RAP1GAP2: variants seen among roughly 807,000 people sequenced by gnomAD.
The protein encoded by RAP1GAP2 is RAP1 GTPase activating protein 2, also known as rap1 GTPase-activating protein 2.
A neutral mutation model predicts 95.0 loss-of-function variants in RAP1GAP2; 27 were observed. The observed-to-expected ratio is 0.28, with a 90% confidence interval of 0.21 to 0.39. RAP1GAP2 has a LOEUF of 0.39. Ranked by LOEUF, RAP1GAP2 falls within the 10% of genes least tolerant of loss-of-function variation. The pLI, the probability that RAP1GAP2 is intolerant of heterozygous loss-of-function variation, is 1.00. For missense variants in RAP1GAP2, 771 were observed against 970.0 expected, an observed-to-expected ratio of 0.79 and a Z score of 2.72; for synonymous variants, 373 against 380.9, an observed-to-expected ratio of 0.98 and a Z score of 0.24.
chr17:2,793,163 T>G (rs2151466849), upstream of RAP1GAP2, among the ~76,000 whole-genome samples: 1 of 152,156 alleles, frequency 6.6e-6, no homozygotes, highest in South Asian at 2.1e-4. Context: ...ATTTTTTTTT[T>G]TTTTTTTGAG....
At chr17:2,842,734 G>A (rs1399614895) in intron 2 of RAP1GAP2, among the ~76,000 whole-genome samples, 1 of 151,838 alleles carries the variant, frequency 6.6e-6, no homozygotes, top group African/African-American at 2.4e-5. Context: ...TCCTTTAGAC[G>A]CCCATCTGAG....
intron 8 of RAP1GAP2, among the ~76,000 whole-genome samples, chr17:2,978,396 A>T (rs1051564149): frequency 1.3e-5 from 2 of 152,182 alleles, no homozygotes; most frequent in African/African-American, 4.8e-5. Flanking sequence ...GAGATGGCTG[A>T]TAAGTGACTG....
upstream of RAP1GAP2, among the ~76,000 whole-genome samples, chr17:2,776,012 C>G (rs2068490698): frequency 6.6e-6 from 1 of 152,192 alleles, no homozygotes; most frequent in Admixed American, 6.5e-5. Flanking sequence ...AACCCCGTCT[C>G]TACTAAAAAT....
In RAP1GAP2 at chr17:3,011,116, C is replaced by T. The variant is rs185666338; in HGVS notation, c.1494+2971C>T. Reference sequence around the variant, plus strand: ...TAACTTTTTGTATTTTTAGTAGAGACGAGGTTTCACCATGTTGGCCAGGCT... The same window carrying T: ...TAACTTTTTGTATTTTTAGTAGAGATGAGGTTTCACCATGTTGGCCAGGCT... On this transcript the variant is annotated intron_variant, in intron 17 of 24. Coordinates refer to ENST00000254695, the MANE Select transcript of RAP1GAP2 (RefSeq NM_015085.5). Among the ~76,000 whole-genome samples, 347 of 152,088 alleles carry T rather than the reference C, an allele frequency of 2.3e-3. 4 individuals carry two copies. The highest frequency in any genetic ancestry group is 7.8e-3 in the African/African-American group (322 of 41,478).
chr17:3,019,958 C>T (rs886856572), intron 18 of RAP1GAP2, among the ~76,000 whole-genome samples: 1 of 152,280 alleles, frequency 6.6e-6, no homozygotes, highest in African/African-American at 2.4e-5. Flanking sequence ...CCATTGGTGC[C>T]TGTGGCCCTG....
At chr17:2,814,468 G>T (rs549783367) in intron 2 of RAP1GAP2, among the ~76,000 whole-genome samples, 1 of 152,024 alleles carries the variant, frequency 6.6e-6, no homozygotes, top group African/African-American at 2.4e-5. Context: ...CTTCCTCCAC[G>T]CACAGCCCCT....
chr17:2,976,298 G>C (rs144706535), intron 8 of RAP1GAP2, among the ~76,000 whole-genome samples: 30 of 152,302 alleles, frequency 2.0e-4, no homozygotes, highest in African/African-American at 6.3e-4. Context: ...AGCTCACATG[G>C]AGTGGCAAAA....
At chr17:2,850,523 C>T (rs748112476) in intron 2 of RAP1GAP2, among the ~76,000 whole-genome samples, 27 of 150,128 alleles carry the variant, frequency 1.8e-4, no homozygotes, top group African/African-American at 2.4e-4. Context: ...CCAAGATGGG[C>T]GGATCACGAG....
At chr17:2,765,742 C>CA (rs60006033) in intron 1 of RAP1GAP2, among the ~76,000 whole-genome samples, 23,072 of 129,638 alleles carry the variant, frequency 0.18, 2,439 homozygotes, top group African/African-American at 0.33. Context: ...GACTCTGTCT[C>CA]AAAAAAAAAA....
chr17:2,892,877 C>G (rs1011505878), intron 2 of RAP1GAP2, among the ~76,000 whole-genome samples: 2 of 152,118 alleles, frequency 1.3e-5, no homozygotes, highest in Non-Finnish European at 2.9e-5. Context: ...TGCCAGCTCC[C>G]CTCCCCTTTC....
chr17:2,961,601 C>G (rs898563672), intron 4 of RAP1GAP2, among the ~76,000 whole-genome samples: 1 of 152,240 alleles, frequency 6.6e-6, no homozygotes, highest in African/African-American at 2.4e-5. Context: ...TAGATAAACT[C>G]CCTTAGTCCA....
At chr17:2,920,080 C>T (rs2042706716) in intron 3 of RAP1GAP2, among the ~76,000 whole-genome samples, 1 of 151,092 alleles carries the variant, frequency 6.6e-6, no homozygotes, top group South Asian at 2.1e-4. Context: ...TCAGGGCTCA[C>T]TGCAGCCTTG....
chr17:2,796,209 G>C (rs2069076302), upstream of RAP1GAP2, among the ~76,000 whole-genome samples: 1 of 152,166 alleles, frequency 6.6e-6, no homozygotes, highest in Non-Finnish European at 1.5e-5. The surrounding 1 kb of genome is among the most constrained non-coding windows in gnomAD (Gnocchi z 4.7). Flanking sequence ...GGCTGTGTGG[G>C]CCGGGCTGCT....
At chr17:2,778,714 C>T (rs2068566291) in intron 1 of RAP1GAP2, among the ~76,000 whole-genome samples, 1 of 152,198 alleles carries the variant, frequency 6.6e-6, no homozygotes, top group Non-Finnish European at 1.5e-5. Context: ...GCTGTGGCCG[C>T]ACCTGCATTC....
At chr17:3,017,324 C>G (rs986357006) in intron 17 of RAP1GAP2, among the ~76,000 whole-genome samples, 2 of 152,172 alleles carry the variant, frequency 1.3e-5, no homozygotes, top group Non-Finnish European at 1.5e-5. Context: ...AGCTCCGTGC[C>G]CCCCGAGACC....
intron 16 of RAP1GAP2, among the ~76,000 whole-genome samples, chr17:3,006,489 A>G (rs2046341026): frequency 7.3e-6 from 1 of 136,424 alleles, no homozygotes; most frequent in South Asian, 2.4e-4. Context: ...GCTGGAGTGC[A>G]GTGGCCCGAT....
At chr17:2,826,269 A>G (rs1209641506) in intron 2 of RAP1GAP2, among the ~76,000 whole-genome samples, 1 of 149,126 alleles carries the variant, frequency 6.7e-6, no homozygotes, top group Non-Finnish European at 1.5e-5. Flanking sequence ...TGCTGGGATT[A>G]CAGGCGTGAG....
intron 2 of RAP1GAP2, among the ~76,000 whole-genome samples, chr17:2,809,311 G>A (rs1280095883): frequency 6.6e-6 from 1 of 152,254 alleles, no homozygotes; most frequent in African/African-American, 2.4e-5. Flanking sequence ...GTGGGACAGT[G>A]GGCAGGAGGG....
chr17:2,766,035 G>A (rs905988330), intron 1 of RAP1GAP2, among the ~76,000 whole-genome samples: 42 of 152,302 alleles, frequency 2.8e-4, no homozygotes, highest in Admixed American at 9.2e-4. Context: ...CAGCCAGGAT[G>A]ATCTTCTCAA....
Sources: allele counts gnomAD v4.1 joint callset (sites outside exome capture counted in the v4.1 genomes callset), GRCh38; gene constraint gnomAD v4.1.1; non-coding constraint Gnocchi (gnomAD v3.1); transcripts MANE v1.5; gene names NCBI Gene and HGNC (gene_info 2026-07-23, HGNC 2026-07-21).